The following NCOR2 variants were observed in gnomAD, a reference collection of about 807,000 sequenced individuals.
NCOR2 encodes nuclear receptor corepressor 2, also known as CTG repeat protein 26.
A neutral mutation model predicts 262.9 loss-of-function variants in NCOR2; 81 were observed. The ratio of observed to expected loss-of-function variants is 0.31; its 90% CI spans 0.26 to 0.37. NCOR2 has a LOEUF of 0.37. Ranked by LOEUF, NCOR2 falls within the 10% of genes least tolerant of loss-of-function variation. The pLI is 1.00. For missense variants in NCOR2, 3,385 were observed against 3,621.4 expected, an observed-to-expected ratio of 0.93 and a Z score of 1.68; for synonymous variants, 1,659 against 1,559.3, an observed-to-expected ratio of 1.06 and a Z score of -1.51.
At chr12:124,567,511 C>CGCGGGCGCAGGGCTCGGGCGGGGCGCCG (rs2052287609), upstream of NCOR2, 1 of 146,946 alleles carries the variant, frequency 6.8e-6, no homozygotes, top group African/African-American at 2.4e-5. Flanking sequence ...GAGCGCAGGG[C>CGCGGGCGCAGGGCTCGGGCGGGGCGCCG]GCGGGCGCAG....
chr12:124,387,790 C>T (rs571003901), intron 16 of NCOR2, among the ~76,000 whole-genome samples: 10 of 152,208 alleles, frequency 6.6e-5, no homozygotes, highest in South Asian at 2.1e-4. Context: ...TTTCCCCAGC[C>T]GGGGCCAAGA....
chr12:124,529,195 A>C (rs933083773), intron 1 of NCOR2, among the ~76,000 whole-genome samples: 1 of 149,936 alleles, frequency 6.7e-6, no homozygotes, highest in Non-Finnish European at 1.5e-5. Context: ...AAAAAAAAAA[A>C]AAAAAAACAC....
chr12:124,485,991 C>A (rs1365288552), intron 2 of NCOR2, among the ~76,000 whole-genome samples: 1 of 144,700 alleles, frequency 6.9e-6, no homozygotes, highest in East Asian at 2.3e-4. Flanking sequence ...TCTCACCCTA[C>A]CACCTAACCT....
rs144046003 is a variant in NCOR2, at chr12:124,547,818, C to A, written c.-164-12207G>T. Among the ~76,000 whole-genome samples, 434 of 152,282 alleles carry A rather than the reference C, an allele frequency of 2.8e-3. 2 individuals are homozygous for A. The highest frequency in any genetic ancestry group is 9.9e-3 in the African/African-American group (410 of 41,552). On this transcript the variant is annotated intron_variant, in intron 1 of 32. Transcript: ENST00000458234. Reference sequence around the variant, plus strand: ...CTCAGCATCATGGTTTCAAGGTTCACCCGCAGTGTAGCATGCATCCGTACT... The same window carrying A: ...CTCAGCATCATGGTTTCAAGGTTCAACCGCAGTGTAGCATGCATCCGTACT...
chr12:124,538,915 G>A (rs1219986484), upstream of NCOR2: 1 of 152,296 alleles, frequency 6.6e-6, no homozygotes, highest in Non-Finnish European at 1.5e-5. Flanking sequence ...TCCCTGGCCA[G>A]GAAACTGCTG....
intron 27 of NCOR2, 69 bp from the exon 30 acceptor site, chr12:124,350,806 A>C (rs4765551): frequency 0.3 from 455,159 of 1,524,010 alleles, 70,567 homozygotes; most frequent in Admixed American, 0.5. Flanking sequence ...AAATGCAGGC[A>C]AAGACGTGCT....
At chr12:124,347,067 A>G (rs1055215907) in intron 30 of NCOR2, among the ~76,000 whole-genome samples, 1 of 152,236 alleles carries the variant, frequency 6.6e-6, no homozygotes, top group African/African-American at 2.4e-5. Flanking sequence ...ACACTATGAA[A>G]TCATGAAGCT....
At position 124,519,129 on chromosome 12, in the gene NCOR2, CACAG is replaced by C. The variant is rs528967327; in HGVS notation, c.-118+16432_-118+16435del. 7.0e-4 allele frequency among the ~76,000 whole-genome samples: 104 copies of C among 148,458 alleles called. No homozygotes were observed. In the East Asian group the frequency reaches 0.017, roughly 24 times the overall value. On this transcript the variant is annotated intron_variant, in intron 1 of 46. Transcript: ENST00000404621. The stretch of plus-strand genomic sequence containing the variant: ...ACACACACACACACACACACACACA[CACAG>C]GCCAACAATGATGGCTTGGTAGTCA...
Position 124,443,997 on chromosome 12 carries a change from C to T in NCOR2, c.815+5818G>A, listed in dbSNP as rs553412262. ...CCCCGTTCCTCAGCCCCTACTACTC[C>T]CTATTGCCTCACACCAGCCCTCCTC... is the stretch of plus-strand genomic sequence containing the variant. On this transcript the variant is annotated intron_variant, in intron 7 of 46. Coordinates refer to ENST00000405201, the Ensembl canonical transcript of NCOR2. This position sits in a 1 kb window ranked among gnomAD's most constrained non-coding sequence, Gnocchi z 4.4. Among the ~76,000 whole-genome samples the T allele has an allele frequency of 1.6e-4, 25 of 152,302 alleles. No homozygotes were observed. The highest frequency in any genetic ancestry group is 2.8e-4 in the Non-Finnish European group (19 of 68,032).
At chr12:124,402,588 G>C in intron 13 of NCOR2, 27 bp from the exon 16 acceptor site, 4 of 1,548,762 alleles carry the variant, frequency 2.6e-6, no homozygotes, top group Non-Finnish European at 3.5e-6. Context: ...GAGGGCAGAG[G>C]GGAGTGGGGA....
At chr12:124,479,943 A>C (rs1015914327) in intron 3 of NCOR2, among the ~76,000 whole-genome samples, 5 of 152,190 alleles carry the variant, frequency 3.3e-5, no homozygotes, top group Non-Finnish European at 5.9e-5. Context: ...GGCTGGGAAG[A>C]GATCAGGGAA....
chr12:124,409,201 G>A (rs1344106371), intron 13 of NCOR2, among the ~76,000 whole-genome samples: 5 of 152,336 alleles, frequency 3.3e-5, no homozygotes, highest in Admixed American at 2.6e-4. Context: ...TTCAGATCCC[G>A]ACCCGCAACT....
chr12:124,547,805 G>A (rs1215720071), intron 1 of NCOR2, among the ~76,000 whole-genome samples: 1 of 152,116 alleles, frequency 6.6e-6, no homozygotes, highest in African/African-American at 2.4e-5. Flanking sequence ...CAGCATCATG[G>A]TTTCAAGGTT....
chr12:124,354,100 A>G, exon 27 of NCOR2: 1 of 1,609,166 alleles, frequency 6.2e-7, no homozygotes, highest in Non-Finnish European at 8.5e-7. Context: ...TACGTGGGTG[A>G]TGGAGCCGCG....
Position 124,549,463 on chromosome 12 carries a change from G to A in NCOR2, c.-164-13852C>T, listed in dbSNP as rs1039452608. On this transcript the variant is annotated intron_variant, in intron 1 of 32. Coordinates refer to the NCOR2 transcript ENST00000458234. This position sits in a 1 kb window ranked among gnomAD's most constrained non-coding sequence, Gnocchi z 4.4. ...GGCTCCTTGGGGGCCTGGGGAGGAAGGCAACTGAGCCCCCTGCAGTAGAAA... is the reference window on the plus strand; with the variant it reads ...GGCTCCTTGGGGGCCTGGGGAGGAAAGCAACTGAGCCCCCTGCAGTAGAAA... 6.6e-6 allele frequency among the ~76,000 whole-genome samples: 1 copy of A among 152,084 alleles called. No individual in the cohort carries two copies. The highest frequency in any genetic ancestry group is 1.5e-5 in the Non-Finnish European group (1 of 67,994).
chr12:124,370,938 G>A (rs1341444494), intron 20 of NCOR2, among the ~76,000 whole-genome samples: 2 of 152,150 alleles, frequency 1.3e-5, no homozygotes, highest in Non-Finnish European at 2.9e-5. Flanking sequence ...ACCCTTGGCT[G>A]ATGGGAGATG....
At chr12:124,372,762 C>T in intron 19 of NCOR2, 152 bp from the exon 22 acceptor site, 1 of 676,160 alleles carries the variant, frequency 1.5e-6, no homozygotes, top group Non-Finnish European at 2.4e-6. Context: ...TGCCTAGAGC[C>T]CCACCCCTGA....
intron 1 of NCOR2, among the ~76,000 whole-genome samples, chr12:124,542,215 G>C (rs2051389167): frequency 2.0e-5 from 3 of 152,028 alleles, no homozygotes; most frequent in Admixed American, 2.0e-4. Context: ...ACCTGCAGCA[G>C]CCACAGGAAC....
intron 1 of NCOR2, among the ~76,000 whole-genome samples, chr12:124,560,206 T>C (rs1029275038): frequency 6.6e-6 from 1 of 152,204 alleles, no homozygotes; most frequent in Non-Finnish European, 1.5e-5. Flanking sequence ...GCAAATATCT[T>C]CTGCAAAGGG....
Sources: gnomAD v4.1 joint callset for allele counts (sites outside exome capture counted in the v4.1 genomes callset) on GRCh38, gnomAD v4.1.1 for gene constraint, Gnocchi (gnomAD v3.1) non-coding constraint, MANE v1.5 for transcripts, NCBI Gene and HGNC (gene_info 2026-07-23, HGNC 2026-07-21) for gene names.